Variants in PTPRB observed in about 807,000 individuals in gnomAD.
PTPRB encodes receptor-type tyrosine-protein phosphatase beta.
PTPRB carries 97 observed loss-of-function variants against 238.1 expected under a neutral mutation model. The ratio of observed to expected loss-of-function variants is 0.41; its 90% CI spans 0.35 to 0.48. The LOEUF (loss-of-function observed/expected upper bound fraction) is 0.48. Ranked by LOEUF, PTPRB falls within the 20% of genes least tolerant of loss-of-function variation. The probability of loss-of-function intolerance (pLI) is 0.30; values close to 1 mark genes in which losing one functional copy is unlikely to be tolerated. For missense variants in PTPRB, 2,292 were observed against 2,681.9 expected (o/e 0.85, Z 3.21); for synonymous variants, 970 against 995.4 (o/e 0.97, Z 0.48).
intron 32 of PTPRB, chr12:70,527,754 CT>C (rs1643126306): frequency 6.6e-6 from 1 of 152,218 alleles, no homozygotes; most frequent in South Asian, 2.1e-4. Context: ...TTGAAGTTCA[CT>C]GTCACCATGG....
rs191509065 is a variant in PTPRB at position 70,536,754 on chromosome 12, C to T, written c.5947-595G>A. On this transcript the variant is annotated intron_variant, in intron 28 of 33. Coordinates refer to ENST00000334414, the MANE Select transcript of PTPRB (RefSeq NM_001109754.4). ...TCGAAGCTCTTTCTCTTTGCCTTTCCTCAGGGTCTCCACATTATGTCACCT... is the reference window on the plus strand; with the variant it reads ...TCGAAGCTCTTTCTCTTTGCCTTTCTTCAGGGTCTCCACATTATGTCACCT... 1.8e-4 allele frequency among the ~76,000 whole-genome samples: 27 copies of T among 152,314 alleles called. No individual in the cohort carries two copies. In the East Asian group the frequency reaches 3.9e-3, roughly 22 times the overall value.
chr12:70,573,505 CTTTTTT>C (rs937307862), intron 11 of PTPRB, among the ~76,000 whole-genome samples: 10 of 90,808 alleles, frequency 1.1e-4, no homozygotes, highest in South Asian at 7.7e-4. Flanking sequence ...CTTTTCTTTT[CTTTTTT>C]TTTTTTTTTT....
intron 4 of PTPRB, among the ~76,000 whole-genome samples, chr12:70,603,458 C>T (rs1039077580): frequency 3.9e-5 from 6 of 152,060 alleles, no homozygotes; most frequent in East Asian, 3.8e-4. Flanking sequence ...TAAAATAACA[C>T]GTGGTAATTT....
intron 15 of PTPRB, 116 bp downstream of exon 15, chr12:70,566,319 G>A (rs142337638): frequency 3.5e-5 from 45 of 1,290,060 alleles, no homozygotes; most frequent in African/African-American, 1.2e-4. Context: ...TGTTCCCAGC[G>A]TATCAAGAGA....
In PTPRB at chr12:70,520,255, T is replaced by G. The variant is rs1192731430; in HGVS notation, c.*1234A>C. The G allele has an allele frequency of 1.3e-5, 6 of 464,590 alleles. No individual in the cohort carries two copies. Among genetic ancestry groups the G allele is most frequent in the Non-Finnish European group, 2.6e-5 (6 of 231,166 alleles). 28.8% of individuals were successfully genotyped at this position (464,590 alleles called of 1,614,324 possible). On this transcript the variant is annotated 3_prime_UTR_variant, in exon 34 of 34. Coordinates refer to ENST00000334414, the MANE Select transcript of PTPRB (RefSeq NM_001109754.4). ...AAATACTTTCTGACTCATTGGAATT[T>G]GTTATAGTCAAAGTAAGTAAGGCAC...
At chr12:70,546,670 G>A (rs1345090899) in intron 21 of PTPRB, among the ~76,000 whole-genome samples, 1 of 152,178 alleles carries the variant, frequency 6.6e-6, no homozygotes, top group African/African-American at 2.4e-5. Context: ...AATTTATAAG[G>A]AAGGAGGAGT....
At chr12:70,556,298 A>G (rs532214675) in intron 18 of PTPRB, 150 bp from the exon 19 acceptor site, 50 of 741,028 alleles carry the variant, frequency 6.7e-5, no homozygotes, top group Non-Finnish European at 1.0e-4. Context: ...GCAGAGACAC[A>G]TGAGCATAAA....
rs372452231 is a variant in PTPRB, at chr12:70,556,010, G to A, written c.4853C>T (p.Ser1618Phe). Residue 1618 changes from serine (S) to phenylalanine (F), a missense_variant, in exon 19 of 34, where the codon TCC (serine) becomes TTC (phenylalanine). Physicochemically the swap from Ser to Phe is radical, Grantham distance 155 (BLOSUM62 -2). Transcript: ENST00000334414. ...AGATTTTTCTTTCTCCAGCTTTCTG[G>A]AAAACTCAACTTCTTGGGTGTCCAT... ...RKMDTQEVEFSRKLEKEKSLL... is the reference protein window; with the variant it reads ...RKMDTQEVEFFRKLEKEKSLL... 6.2e-7 allele frequency: 1 copy of A among 1,613,782 alleles called. No individual in the cohort carries two copies. The highest frequency in any genetic ancestry group is 1.3e-5 in the African/African-American group (1 of 74,884).
At position 70,587,054 on chromosome 12, in the gene PTPRB, C is replaced by T; in HGVS notation, c.2264G>A (p.Ser755Asn). The change falls in exon 9 of 34, where the codon AGT (serine) becomes AAT (asparagine). Residue 755 changes from serine (S) to asparagine (N), a missense_variant. By Grantham distance (46) the Ser-to-Asn change is conservative. Around this residue, in one of 4 missense-constraint regions of PTPRB, gnomAD observed 1,205 missense variants for 1,287.8 expected, o/e 0.94. Coordinates refer to ENST00000334414, the MANE Select transcript of PTPRB (RefSeq NM_001109754.4). ...GGAATTTTTTAAGTCTCCACTAATA[C>T]TGGTGACTGTAGCCATGTATTTTCG... is the stretch of plus-strand genomic sequence containing the variant. ...PGRKYMATVT[S>N]ISGDLKNSSS... 6.2e-7 allele frequency: 1 copy of T among 1,613,776 alleles called. No homozygotes were observed. The highest frequency in any genetic ancestry group is 8.5e-7 in the Non-Finnish European group (1 of 1,179,654).
chr12:70,589,915 G>A (rs374349124), intron 8 of PTPRB, 49 bp downstream of exon 8: 1 of 1,561,620 alleles, frequency 6.4e-7, no homozygotes, highest in South Asian at 1.2e-5. Context: ...ACCTGGGAGA[G>A]GGAACAAATT....
chr12:70,637,327 G>A lies in PTPRB; in HGVS notation c.55+14C>T, dbSNP rs1479444467. ...TGAAGAAATGCCTCAGGACACTGAG[G>A]CAGACCCACTCACCTGAGTTCCTGA... On this transcript the variant is annotated intron_variant, in intron 1 of 33. Transcript: ENST00000334414. 1 of 1,600,766 alleles carries A rather than the reference G, an allele frequency of 6.2e-7. No individual in the cohort carries two copies.
intron 10 of PTPRB, among the ~76,000 whole-genome samples, chr12:70,578,361 T>C (rs1881015488): frequency 6.6e-6 from 1 of 152,184 alleles, no homozygotes; most frequent in South Asian, 2.1e-4. Flanking sequence ...TTCTTTACAA[T>C]TGACTGTGTA....
chr12:70,527,345 G>T (rs1175598097), intron 32 of PTPRB, among the ~76,000 whole-genome samples: 1 of 152,130 alleles, frequency 6.6e-6, no homozygotes, highest in Admixed American at 6.5e-5. Flanking sequence ...TTCAAGCAAA[G>T]AAGTAAGGCA....
Position 70,625,654 on chromosome 12 carries a change from G to C in PTPRB, c.452-3008C>G, listed in dbSNP as rs573709701. On this transcript the variant is annotated intron_variant, in intron 2 of 33. Transcript: ENST00000334414. The stretch of plus-strand genomic sequence containing the variant: ...TATTTTGTTATCCATGAATTCTTTG[G>C]GTGTTCTTAAAAAAGGTATATATGT... Among the ~76,000 whole-genome samples the C allele has an allele frequency of 1.3e-4, 19 of 151,564 alleles. No homozygotes were observed. The South Asian group carries it at 4.0e-3, about 32-fold the overall frequency.
chr12:70,526,901 T>G (rs923257290), intron 32 of PTPRB, among the ~76,000 whole-genome samples: 3 of 152,260 alleles, frequency 2.0e-5, no homozygotes, highest in Non-Finnish European at 4.4e-5. Flanking sequence ...CAAGTTAATA[T>G]CTATTAATTT....
chr12:70,590,199 A>G lies in PTPRB; in HGVS notation c.1815T>C (p.Asn605=). Residue 605 remains asparagine, a synonymous_variant, in exon 8 of 34, where the codon AAT becomes AAC. Transcript: ENST00000334414. ...PDKVANLEAN[N]NGRMRSLVVS... ...CTACAAGAGACCTCATCCTGCCATT[A>G]TTGTTTGCCTCCAGGTTTGCAACTT... The G allele has an allele frequency of 6.3e-7, 1 of 1,584,698 alleles. No homozygotes were observed. Among genetic ancestry groups the G allele is most frequent in the Admixed American group, 1.8e-5 (1 of 56,734 alleles).
intron 3 of PTPRB, chr12:70,609,805 G>A (rs767389682): frequency 1.3e-6 from 2 of 1,585,988 alleles, no homozygotes; most frequent in South Asian, 2.3e-5. Context: ...CCGGCTCCAT[G>A]GCTCAGCATT....
chr12:70,612,568 G>C (rs1884504607), intron 3 of PTPRB, among the ~76,000 whole-genome samples: 1 of 152,090 alleles, frequency 6.6e-6, no homozygotes, highest in Admixed American at 6.5e-5. Context: ...ACCATTTCAG[G>C]GGACAAGCTT....
At position 70,563,118 on chromosome 12, in the gene PTPRB, C is replaced by A; in HGVS notation, c.3905-11G>T. On this transcript the variant is annotated splice_polypyrimidine_tract_variant and intron_variant, in intron 15 of 33. Coordinates refer to ENST00000334414, the MANE Select transcript of PTPRB (RefSeq NM_001109754.4). Reference sequence around the variant, plus strand: ...TGACAGCTGCTGGGACTGGAAAAGTCGAGGAGCAAGAGAATGAGGGAGGGA... The same window carrying A: ...TGACAGCTGCTGGGACTGGAAAAGTAGAGGAGCAAGAGAATGAGGGAGGGA... 2 of 1,605,156 alleles carry A rather than the reference C, an allele frequency of 1.2e-6. No homozygotes were observed. Among genetic ancestry groups the A allele is most frequent in the South Asian group, 2.2e-5 (2 of 89,948 alleles).
Sources: allele counts gnomAD v4.1 joint callset (sites outside exome capture counted in the v4.1 genomes callset), GRCh38; gene constraint gnomAD v4.1.1; regional missense constraint gnomAD v4.1.1; transcripts MANE v1.5; gene names NCBI Gene and HGNC (gene_info 2026-07-23, HGNC 2026-07-21).